The following GLDC variants were observed in gnomAD, a reference collection of about 807,000 sequenced individuals.
GLDC encodes the protein glycine dehydrogenase (decarboxylating), mitochondrial.
In GLDC, 104 loss-of-function variants were observed where a neutral mutation model predicts 121.3. The ratio of observed to expected loss-of-function variants is 0.86; its 90% CI spans 0.73 to 1.01. GLDC has a LOEUF of 1.01. Among genes scored for constraint, GLDC ranks in the 50% least tolerant of loss-of-function variants. The probability of loss-of-function intolerance (pLI) is 0.00; values close to 1 mark genes in which losing one functional copy is unlikely to be tolerated. For synonymous variants in GLDC, 546 were observed against 480.6 expected, an observed-to-expected ratio of 1.14 and a Z score of -1.78; for missense variants, 1,429 against 1,306.6, an observed-to-expected ratio of 1.09 and a Z score of -1.44.
chr9:6,622,285 T>C (rs1272827435), intron 2 of GLDC, among the ~76,000 whole-genome samples: 1 of 151,148 alleles, frequency 6.6e-6, no homozygotes, highest in Admixed American at 6.6e-5. Context: ...TCTCCCTCTT[T>C]CCACGGGCCG....
chr9:6,631,000 A>AAAGCC (rs1365450681), intron 2 of GLDC, among the ~76,000 whole-genome samples: 19 of 152,204 alleles, frequency 1.2e-4, no homozygotes, highest in African/African-American at 4.3e-4. Flanking sequence ...ATCGTTCGAG[A>AAAGCC]AAGCCAAGCC....
Position 6,550,786 on chromosome 9 carries a change from T to G in GLDC, c.2569+17A>C, listed in dbSNP as rs1189692774. The G allele has an allele frequency of 1.3e-6, 2 of 1,534,458 alleles. No individual in the cohort carries two copies. Among genetic ancestry groups the G allele is most frequent in the South Asian group, 2.2e-5 (2 of 89,578 alleles). ...AGAAAAAAACCAAAGTAATGATAGA[T>G]TAAAGTTGATACTTGCCTCTTGCAC... On this transcript the variant is annotated intron_variant, in intron 21 of 24. Coordinates refer to ENST00000321612, the MANE Select transcript of GLDC (RefSeq NM_000170.3).
At chr9:6,642,426 G>A (rs1450151035) in intron 2 of GLDC, among the ~76,000 whole-genome samples, 1 of 152,168 alleles carries the variant, frequency 6.6e-6, no homozygotes, top group Non-Finnish European at 1.5e-5. Context: ...AGCTACTCAG[G>A]AGGCTGAGGC....
At chr9:6,619,707 T>C (rs1819043188) in intron 3 of GLDC, among the ~76,000 whole-genome samples, 1 of 152,062 alleles carries the variant, frequency 6.6e-6, no homozygotes, top group Admixed American at 6.6e-5. Flanking sequence ...CAGACTGGGA[T>C]ACACAGCAAG....
rs1817037536 is a variant in GLDC at position 6,533,171 on chromosome 9, C to G, written c.2920-11G>C. ...TGGTTTCACGAAGGGCTGCAAAGGA[C>G]AAAAGATGGAAATGCTGTGAGATGT... On this transcript the variant is annotated splice_polypyrimidine_tract_variant and intron_variant, in intron 24 of 24. Coordinates refer to ENST00000321612, the MANE Select transcript of GLDC (RefSeq NM_000170.3). 1 of 1,613,172 alleles carries G rather than the reference C, an allele frequency of 6.2e-7. No individual in the cohort carries two copies. Among genetic ancestry groups the G allele is most frequent in the South Asian group, 1.1e-5 (1 of 91,058 alleles).
chr9:6,591,942 T>A (rs1818383660), intron 11 of GLDC: 11 of 579,886 alleles, frequency 1.9e-5, no homozygotes, highest in Non-Finnish European at 3.1e-5. Context: ...CTAGCCTGGG[T>A]GCATAATACT....
At chr9:6,573,051 C>A (rs1817995727) in intron 15 of GLDC, among the ~76,000 whole-genome samples, 1 of 152,182 alleles carries the variant, frequency 6.6e-6, no homozygotes, top group Admixed American at 6.5e-5. Context: ...TCCTCTGGAT[C>A]CCATCTGTCA....
chr9:6,591,668 G>C (rs1036181643), intron 11 of GLDC, among the ~76,000 whole-genome samples: 1 of 151,912 alleles, frequency 6.6e-6, no homozygotes, highest in African/African-American at 2.4e-5. Flanking sequence ...CACTGCAACC[G>C]CCGCCTCCTG....
intron 15 of GLDC, among the ~76,000 whole-genome samples, chr9:6,573,736 G>A (rs1258112321): frequency 2.6e-5 from 4 of 152,036 alleles, no homozygotes; most frequent in Non-Finnish European, 5.9e-5. Context: ...AAACCGATAC[G>A]GTAAAAATGA....
chr9:6,570,140 C>T (rs897632440), intron 15 of GLDC, among the ~76,000 whole-genome samples: 2 of 152,172 alleles, frequency 1.3e-5, no homozygotes, highest in Non-Finnish European at 1.5e-5. Context: ...CTGCAGAATG[C>T]ACTAAAGTAA....
At chr9:6,612,785 CCAGAAGGCGGAGGTTG>C (rs1302954538) in intron 3 of GLDC, among the ~76,000 whole-genome samples, 3 of 152,128 alleles carry the variant, frequency 2.0e-5, no homozygotes, top group Non-Finnish European at 2.9e-5. Flanking sequence ...TCGCTTGAAA[CCAGAAGGCGGAGGTTG>C]CAGTGAGCCA....
In GLDC at chr9:6,610,222, G is replaced by A. The variant is rs386833583; in HGVS notation, c.605C>T (p.Ala202Val). The A allele has an allele frequency of 1.2e-6, 2 of 1,613,292 alleles. No individual in the cohort carries two copies. Among genetic ancestry groups the A allele is most frequent in the Non-Finnish European group, 1.7e-6 (2 of 1,179,678 alleles). ...GCACAGCTGCAGTGCCTCTGCGGCT[G>A]CAGTCCCCTCATCCAGCAGGGATGC... The part of the protein sequence containing the change: ...ANASLLDEGT[A>V]AAEALQLCYR... The change falls in exon 4 of 25, where the codon GCA becomes GTA. Residue 202 changes from alanine to valine, a missense_variant. Transcript: ENST00000321612.
chr9:6,556,284 T>C lies in GLDC; in HGVS notation c.2071A>G (p.Asn691Asp). ...LKAMVDKHKE[N>D]LAAIMITYPS... is the part of the protein sequence containing the mutation. ...TATGTAATCATGATAGCTGCTAGGT[T>C]CTCCTTGTGCTTATCCACCTGTGAA... Residue 691 changes from asparagine (N) to aspartate (D), a missense_variant, in exon 18 of 25, where the codon AAC (asparagine) becomes GAC (aspartate). Transcript: ENST00000321612. The C allele has an allele frequency of 1.2e-6, 2 of 1,613,736 alleles. No homozygotes were observed. Among genetic ancestry groups the C allele is most frequent in the Non-Finnish European group, 8.5e-7 (1 of 1,179,636 alleles).
rs139361721 is a variant in GLDC at position 6,614,801 on chromosome 9, G to A, written c.471-4445C>T. 5.3e-3 allele frequency among the ~76,000 whole-genome samples: 805 copies of A among 152,210 alleles called. 6 individuals carry two copies. The highest frequency in any genetic ancestry group is 0.018 in the African/African-American group (762 of 41,526). The stretch of plus-strand genomic sequence containing the variant: ...TGTGAACCTCATAGAGTGTACTTAC[G>A]TGTACTTAGAAGGTATAGCCTACTA... On this transcript the variant is annotated intron_variant, in intron 3 of 24. Coordinates refer to ENST00000321612, the MANE Select transcript of GLDC (RefSeq NM_000170.3).
intron 2 of GLDC, among the ~76,000 whole-genome samples, chr9:6,642,213 A>G (rs1433260945): frequency 6.6e-6 from 1 of 152,190 alleles, no homozygotes; most frequent in Non-Finnish European, 1.5e-5. Context: ...CAAGCTCAAA[A>G]TGTCACAGAA....
intron 23 of GLDC, 122 bp from the exon 24 acceptor site, chr9:6,534,910 C>T (rs1323291601): frequency 4.3e-6 from 3 of 699,430 alleles, no homozygotes; most frequent in South Asian, 3.0e-5. Flanking sequence ...TGTTTTCTTT[C>T]AATTTAGGGG....
At chr9:6,599,622 G>A (rs571564671) in intron 8 of GLDC, among the ~76,000 whole-genome samples, 47 of 151,458 alleles carry the variant, frequency 3.1e-4, no homozygotes, top group Non-Finnish European at 5.7e-4. Context: ...TCAGGAGGCT[G>A]AGGCAAGAGA....
chr9:6,573,898 A>G (rs1387822691), intron 15 of GLDC, among the ~76,000 whole-genome samples: 1 of 152,212 alleles, frequency 6.6e-6, no homozygotes, highest in Non-Finnish European at 1.5e-5. Context: ...ATTTAACAGT[A>G]CAAATACCTT....
At chr9:6,556,813 GA>G (rs1314675359) in intron 17 of GLDC, among the ~76,000 whole-genome samples, 3 of 151,306 alleles carry the variant, frequency 2.0e-5, no homozygotes, top group Non-Finnish European at 2.9e-5. Flanking sequence ...AAAGAAAAAA[GA>G]AAAAAAGAAA....
Sources: gnomAD v4.1 joint callset for allele counts (sites outside exome capture counted in the v4.1 genomes callset) on GRCh38, gnomAD v4.1.1 for gene constraint, MANE v1.5 for transcripts, NCBI Gene and HGNC (gene_info 2026-07-23, HGNC 2026-07-21) for gene names.